The following CPOX variants were observed in gnomAD, a reference collection of about 807,000 sequenced individuals.
CPOX encodes oxygen-dependent coproporphyrinogen-III oxidase, mitochondrial.
A neutral mutation model predicts 48.9 loss-of-function variants in CPOX; 24 were observed. The ratio of observed to expected loss-of-function variants is 0.49; its 90% CI spans 0.36 to 0.69. The LOEUF (loss-of-function observed/expected upper bound fraction) is 0.69, where lower values mean the gene tolerates loss of function less well. CPOX is among the 30% of genes least tolerant of loss of function. The probability of loss-of-function intolerance (pLI) is 0.00; values close to 1 mark genes in which losing one functional copy is unlikely to be tolerated. For missense variants in CPOX, 549 were observed against 597.3 expected (o/e 0.92, Z 0.84); for synonymous variants, 249 against 234.6 (o/e 1.06, Z -0.56).
intron 3 of CPOX, chr3:98,589,854 A>G (rs1675513): frequency 0.3 from 46,068 of 152,656 alleles, 10,665 homozygotes; most frequent in African/African-American, 0.65. Flanking sequence ...TCTGACATCT[A>G]GTATCAGATA....
At chr3:98,579,434 T>C (rs773271834), downstream of CPOX, 20 of 689,664 alleles carry the variant, frequency 2.9e-5, no homozygotes, top group Non-Finnish European at 3.6e-5. Context: ...CAACAAAAAA[T>C]ATAAATATTT....
At chr3:98,584,009 T>C (rs566722352) in intron 5 of CPOX, among the ~76,000 whole-genome samples, 1 of 152,290 alleles carries the variant, frequency 6.6e-6, no homozygotes, top group South Asian at 2.1e-4. Flanking sequence ...ACACCAGACA[T>C]GCAATGATAC....
downstream of CPOX, among the ~76,000 whole-genome samples, chr3:98,575,049 C>A (rs1707138897): frequency 6.6e-6 from 1 of 152,162 alleles, no homozygotes; most frequent in African/African-American, 2.4e-5. Context: ...TCTCCCTCAT[C>A]AAGTCAGAAA....
chr3:98,593,498 A>G lies in CPOX; in HGVS notation c.7T>C (p.Leu3=). The G allele has an allele frequency of 6.6e-7, 1 of 1,520,336 alleles. No homozygotes were observed. Among genetic ancestry groups the G allele is most frequent in the Non-Finnish European group, 8.8e-7 (1 of 1,140,570 alleles). 94.2% of individuals were successfully genotyped at this position (1,520,336 alleles called of 1,614,324 possible). Residue 3 remains leucine, a synonymous_variant, in exon 1 of 7, where the codon TTG becomes CTG. Coordinates refer to ENST00000647941, the MANE Select transcript of CPOX (RefSeq NM_000097.7). The stretch of plus-strand genomic sequence containing the variant: ...CCCGAGCTCAGCCTGCCCAGCTGCA[A>G]GGCCATGTTCCCGCACTATCACCTG... The part of the protein sequence containing the change: MA[L]QLGRLSSGPC...
At position 98,593,139 on chromosome 3, in the gene CPOX, C is replaced by T. The variant is rs1707514044; in HGVS notation, c.366G>A (p.Glu122=). Residue 122 remains glutamate (E), a synonymous_variant, in exon 1 of 7, where the codon GAG becomes GAA. Transcript: ENST00000647941. ...SLGRPEEEED[E]LAHRCSSFMA... Reference sequence around the variant, plus strand: ...TGAAGCTGCTGCAGCGGTGGGCCAGCTCATCCTCCTCCTCCTCCGGCCTCC... The same window carrying T: ...TGAAGCTGCTGCAGCGGTGGGCCAGTTCATCCTCCTCCTCCTCCGGCCTCC... The T allele has an allele frequency of 1.2e-6, 2 of 1,613,126 alleles. No individual in the cohort carries two copies. The highest frequency in any genetic ancestry group is 1.7e-6 in the Non-Finnish European group (2 of 1,179,848).
downstream of CPOX, among the ~76,000 whole-genome samples, chr3:98,577,062 A>T (rs1160926408): frequency 6.6e-6 from 1 of 152,098 alleles, no homozygotes; most frequent in African/African-American, 2.4e-5. Flanking sequence ...AAGATTTAAA[A>T]TGGGCATGGA....
downstream of CPOX, among the ~76,000 whole-genome samples, chr3:98,575,767 T>TA (rs1255839035): frequency 1.4e-5 from 2 of 147,462 alleles, no homozygotes; most frequent in Non-Finnish European, 3.0e-5. Flanking sequence ...TTGTCTCTAC[T>TA]AAAAAAATAC....
chr3:98,589,142 T>C (rs1033194026), intron 3 of CPOX, among the ~76,000 whole-genome samples: 2 of 152,062 alleles, frequency 1.3e-5, no homozygotes, highest in South Asian at 4.2e-4. Flanking sequence ...CAATATATGG[T>C]GAAACCTCGT....
chr3:98,585,388 C>G (rs914480044), intron 5 of CPOX, 53 bp downstream of exon 5: 2 of 1,408,098 alleles, frequency 1.4e-6, no homozygotes, highest in African/African-American at 1.4e-5. Flanking sequence ...TTATTAAGAG[C>G]TGCTCCACCT....
chr3:98,580,632 G>A lies in CPOX; in HGVS notation c.*51C>T. On this transcript the variant is annotated 3_prime_UTR_variant, in exon 7 of 7. Transcript: ENST00000647941. ...GGCAAAGTGCCGACCAGTGGCATGG[G>A]GAGCACACATCGTGTGCCCTCCAAA... 1 of 1,611,564 alleles carries A rather than the reference G, an allele frequency of 6.2e-7. No homozygotes were observed. Among genetic ancestry groups the A allele is most frequent in the South Asian group, 1.1e-5 (1 of 90,770 alleles).
downstream of CPOX, among the ~76,000 whole-genome samples, chr3:98,579,017 A>G (rs1008016534): frequency 6.6e-6 from 1 of 152,182 alleles, no homozygotes; most frequent in East Asian, 1.9e-4. Context: ...ATTTTCTTCC[A>G]CCTCTGCCAC....
At chr3:98,574,177 T>C in the CPOX span, among the ~76,000 whole-genome samples, 4 of 152,356 alleles carry the variant, frequency 2.6e-5, no homozygotes, top group Non-Finnish European at 5.9e-5. Context: ...CTTCTCGTTT[T>C]TGTTAATGAC....
At position 98,579,560 on chromosome 3, in the gene CPOX, C is replaced by A. The variant is rs763280780; in HGVS notation, c.*1123G>T. 6 of 985,356 alleles carry A rather than the reference C, an allele frequency of 6.1e-6. No individual in the cohort carries two copies. In the South Asian group the frequency reaches 2.8e-4, roughly 46 times the overall value. The allele number at this position is 985,356 out of a possible 1,614,324, so 61.0% of individuals were successfully genotyped here. On this transcript the variant is annotated 3_prime_UTR_variant, in exon 7 of 7. Coordinates refer to ENST00000647941, the MANE Select transcript of CPOX (RefSeq NM_000097.7). ...CAGAATCACAAACATTCAACGTGTT[C>A]CACGATAATGATATGTATGAGATGC...
chr3:98,572,472 T>C, the CPOX span, among the ~76,000 whole-genome samples: 11 of 152,200 alleles, frequency 7.2e-5, no homozygotes, highest in Admixed American at 6.5e-4. Context: ...TAACAGTATG[T>C]TATGAAACTT....
chr3:98,572,448 C>G, the CPOX span, among the ~76,000 whole-genome samples: 1 of 152,044 alleles, frequency 6.6e-6, no homozygotes, highest in African/African-American at 2.4e-5. Context: ...TTTATGGTCC[C>G]ACTTGAAATA....
At chr3:98,572,446 C>T in the CPOX span, among the ~76,000 whole-genome samples, 3 of 152,056 alleles carry the variant, frequency 2.0e-5, no homozygotes, top group East Asian at 3.9e-4. Context: ...TCTTTATGGT[C>T]CCACTTGAAA....
At chr3:98,573,443 C>T in the CPOX span, among the ~76,000 whole-genome samples, 8 of 152,248 alleles carry the variant, frequency 5.3e-5, no homozygotes, top group South Asian at 1.7e-3. Context: ...TCATTTCCCT[C>T]CTTCTTTGCC....
In CPOX at chr3:98,593,046, C is replaced by A; in HGVS notation, c.459G>T (p.Glu153Asp). The A allele has an allele frequency of 1.2e-6, 2 of 1,614,046 alleles. No individual in the cohort carries two copies. The highest frequency in any genetic ancestry group is 1.7e-6 in the Non-Finnish European group (2 of 1,179,980). Residue 153 changes from glutamate to aspartate, a missense_variant, in exon 1 of 7, where the codon GAG (glutamate) becomes GAT (aspartate). By Grantham distance (45) the Glu-to-Asp change is conservative. Transcript: ENST00000647941. ...GGGCCTGGGTCTCCAGAATCAGCAGCTCCATCTTGGTCTTCATGTCGCCCG... is the reference window on the plus strand; with the variant it reads ...GGGCCTGGGTCTCCAGAATCAGCAGATCCATCTTGGTCTTCATGTCGCCCG... ...RRPGDMKTKMELLILETQAQV... is the reference protein window; with the variant it reads ...RRPGDMKTKMDLLILETQAQV...
chr3:98,578,589 C>T (rs1052829099), downstream of CPOX, among the ~76,000 whole-genome samples: 1 of 152,168 alleles, frequency 6.6e-6, no homozygotes, highest in Non-Finnish European at 1.5e-5. Context: ...ACTCTTTTGT[C>T]CCCTTTCACA....
Sources: gnomAD v4.1 joint callset for allele counts (sites outside exome capture counted in the v4.1 genomes callset) on GRCh38, gnomAD v4.1.1 for gene constraint, MANE v1.5 for transcripts, NCBI Gene and HGNC (gene_info 2026-07-23, HGNC 2026-07-21) for gene names.